RHEBL1: variants seen among roughly 807,000 people sequenced by gnomAD.
RHEBL1 encodes the protein GTPase RhebL1.
RHEBL1 carries 22 observed loss-of-function variants against 27.4 expected under a neutral mutation model. That is an observed-to-expected ratio of 0.80 (90% CI 0.57 to 1.15). The LOEUF is 1.15. RHEBL1 is among the 50% of genes most tolerant of loss of function. RHEBL1 has a pLI of 0.00. For missense variants in RHEBL1, 186 were observed against 226.5 expected (o/e 0.82, Z 1.15); for synonymous variants, 85 against 80.8 (o/e 1.05, Z -0.28).
chr12:49,068,974 T>C (rs1450219376), intron 2 of RHEBL1, 61 bp downstream of exon 2: 2 of 1,516,310 alleles, frequency 1.3e-6, no homozygotes, highest in African/African-American at 1.4e-5. Flanking sequence ...TGGAGTTGGG[T>C]GGGGTATCCA....
rs1298290697 is a variant in RHEBL1 at position 49,065,011 on chromosome 12, A to T, written c.*92T>A. ...CCAGGGGCCAGGAACACAGCTGGCA[A>T]CCATACCCGTGAAGTCCTGAGGATC... On this transcript the variant is annotated 3_prime_UTR_variant, in exon 8 of 8. Coordinates refer to ENST00000301068, the MANE Select transcript of RHEBL1 (RefSeq NM_144593.3). 1.1e-6 allele frequency: 1 copy of T among 912,594 alleles called. No individual in the cohort carries two copies. Among genetic ancestry groups the T allele is most frequent in the Admixed American group, 1.8e-5 (1 of 56,672 alleles). 56.5% of individuals were successfully genotyped at this position (912,594 alleles called of 1,614,324 possible). A position where few individuals can be genotyped will look rare whatever the true frequency, so the allele number is the denominator to read the frequency against.
In RHEBL1 at chr12:49,064,874, G is replaced by C. The variant is rs1592176201; in HGVS notation, c.*229C>G. On this transcript the variant is annotated 3_prime_UTR_variant, in exon 8 of 8. Transcript: ENST00000301068. Reference sequence around the variant, plus strand: ...TAACAGAATTCATCAAACAAAAACAGAGGGCTAGAGGCCAGTGTCCATGAG... The same window carrying C: ...TAACAGAATTCATCAAACAAAAACACAGGGCTAGAGGCCAGTGTCCATGAG... 6 of 550,096 alleles carry C rather than the reference G, an allele frequency of 1.1e-5. No homozygotes were observed. The East Asian group carries it at 1.8e-4, about 17-fold the overall frequency. The allele number at this position is 550,096 out of a possible 1,614,324, so 34.1% of individuals were successfully genotyped here. A position where few individuals can be genotyped will look rare whatever the true frequency, so the allele number is the denominator to read the frequency against.
intron 2 of RHEBL1, among the ~76,000 whole-genome samples, chr12:49,068,550 CT>C (rs1023036600): frequency 4.0e-5 from 6 of 151,600 alleles, no homozygotes; most frequent in African/African-American, 1.5e-4. Flanking sequence ...ATTCTCCTAC[CT>C]CAGTCTCCTT....
Position 49,065,422 on chromosome 12 carries a change from C to A in RHEBL1, c.390G>T (p.Gln130His). Residue 130 changes from glutamine to histidine, a missense_variant, in exon 7 of 8, where the codon CAG (glutamine) becomes CAT (histidine). Physicochemically the swap from Gln to His is conservative, Grantham distance 24. Coordinates refer to ENST00000301068, the MANE Select transcript of RHEBL1 (RefSeq NM_144593.3). ...KADLSPEREV[Q>H]AVEGKKLAES... ...CTGCCAGCTTCTTTCCTTCAACTGC[C>A]TGTACCTCTCTGGAAGCAAATTTGG... The A allele has an allele frequency of 6.2e-7, 1 of 1,614,104 alleles. No individual in the cohort carries two copies.
intron 2 of RHEBL1, 45 bp from the exon 3 acceptor site, chr12:49,067,080 A>G: frequency 8.0e-7 from 1 of 1,243,844 alleles, no homozygotes; most frequent in Non-Finnish European, 1.2e-6. Flanking sequence ...TTATAGGACC[A>G]GCGATGTATG....
rs769246857 is a variant in RHEBL1, at chr12:49,069,014, C to G, written c.124+21G>C. On this transcript the variant is annotated intron_variant, in intron 2 of 7. Coordinates refer to ENST00000301068, the MANE Select transcript of RHEBL1 (RefSeq NM_144593.3). ...CTCCGGGTCGCATACCACCAGCACA[C>G]TAGGGGAGAAGTCTACTCACTATTC... is the stretch of plus-strand genomic sequence containing the variant. 3.0e-5 allele frequency: 48 copies of G among 1,607,342 alleles called. 2 individuals are homozygous for G. In the South Asian group the frequency reaches 5.3e-4, roughly 18 times the overall value.
rs1382770715 is a variant in RHEBL1 at position 49,067,011 on chromosome 12, C to A, written c.149G>T (p.Gly50Val). Residue 50 changes from glycine to valine, a missense_variant, in exon 3 of 8, where the codon GGC (glycine) becomes GTC (valine). By Grantham distance (109) the Gly-to-Val change is moderately radical. Coordinates refer to ENST00000301068, the MANE Select transcript of RHEBL1 (RefSeq NM_144593.3). ...ENTYSKIVTL[G>V]KDEFHLHLVD... The stretch of plus-strand genomic sequence containing the variant: ...CAGATGTAGGTGAAACTCATCTTTG[C>A]CAAGAGTCACTATCTTGCTGTAAGC... 1.9e-6 allele frequency: 3 copies of A among 1,613,930 alleles called. No homozygotes were observed. In the Admixed American group the frequency reaches 5.0e-5, roughly 27 times the overall value.
intron 1 of RHEBL1, 130 bp downstream of exon 1, chr12:49,069,604 T>C (rs1263336517): frequency 4.8e-6 from 4 of 827,542 alleles, no homozygotes; most frequent in African/African-American, 1.7e-5. Flanking sequence ...TCCTCCACTC[T>C]TCCAATCCTC....
rs745511546 is a variant in RHEBL1 at position 49,069,791 on chromosome 12, G to C, written c.-6C>G. On this transcript the variant is annotated 5_prime_UTR_variant, in exon 1 of 8. Coordinates refer to ENST00000301068, the MANE Select transcript of RHEBL1 (RefSeq NM_144593.3). ...CTGTAGCGGACTAGCGGCATGGCAG[G>C]AGCCCGCCCCAGGGGCTTGCGGAAC... The C allele has an allele frequency of 6.2e-7, 1 of 1,613,294 alleles. No homozygotes were observed. The highest frequency in any genetic ancestry group is 2.2e-5 in the East Asian group (1 of 44,808).
chr12:49,066,250 C>T lies in RHEBL1; in HGVS notation c.361G>A (p.Ala121Thr), dbSNP rs762230005. ...ACATACCTCTCTGGAGAGAGATCTG[C>T]CTTGTTCCCCACTAGAACCACTGGC... ...RVPVVLVGNK[A>T]DLSPEREVQA... Residue 121 changes from alanine to threonine, a missense_variant, in exon 6 of 8, where the codon GCA becomes ACA. Physicochemically the swap from Ala to Thr is moderately conservative, Grantham distance 58 (BLOSUM62 0). Around this residue, in one of 3 missense-constraint regions of RHEBL1, gnomAD observed 90 missense variants for 95.2 expected, o/e 0.95. Transcript: ENST00000301068. 2 of 1,613,940 alleles carry T rather than the reference C, an allele frequency of 1.2e-6. No homozygotes were observed. The highest frequency in any genetic ancestry group is 4.5e-5 in the East Asian group (2 of 44,884).
At chr12:49,067,378 C>T (rs1000172834) in intron 2 of RHEBL1, among the ~76,000 whole-genome samples, 6 of 151,818 alleles carry the variant, frequency 4.0e-5, no homozygotes, top group African/African-American at 1.5e-4. Context: ...CTCCTGGGCT[C>T]AAGCAATCCT....
rs375870579 is a variant in RHEBL1, at chr12:49,066,285, G to A, written c.333-7C>T. 1.2e-5 allele frequency: 20 copies of A among 1,613,354 alleles called. No individual in the cohort carries two copies. The highest frequency in any genetic ancestry group is 1.5e-5 in the Non-Finnish European group (18 of 1,179,444). On this transcript the variant is annotated splice_polypyrimidine_tract_variant and splice_region_variant and intron_variant, in intron 5 of 7. Coordinates refer to ENST00000301068, the MANE Select transcript of RHEBL1 (RefSeq NM_144593.3). ...CACTAGAACCACTGGCACCCTGTGAGGAAACAGCAGTTACTTCAGAATCCC... is the reference window on the plus strand; with the variant it reads ...CACTAGAACCACTGGCACCCTGTGAAGAAACAGCAGTTACTTCAGAATCCC...
At chr12:49,069,134 C>A in intron 1 of RHEBL1, 28 bp from the exon 2 acceptor site, 2 of 1,614,084 alleles carry the variant, frequency 1.2e-6, no homozygotes, top group Middle Eastern at 3.3e-4. Flanking sequence ...ACAGTTGTAT[C>A]CAAATCATCC....
In RHEBL1 at chr12:49,066,705, G is replaced by T; in HGVS notation, c.193-4C>A. ...AGGGCAGAATGCTGTACTCATCCTG[G>T]CAAGAAATGGGAAACATCAGTACCT... On this transcript the variant is annotated splice_region_variant and splice_polypyrimidine_tract_variant and intron_variant, in intron 3 of 7. Transcript: ENST00000301068. The T allele has an allele frequency of 6.2e-7, 1 of 1,612,898 alleles. No individual in the cohort carries two copies. Among genetic ancestry groups the T allele is most frequent in the Non-Finnish European group, 8.5e-7 (1 of 1,178,908 alleles).
chr12:49,069,862 G>T lies in RHEBL1; in HGVS notation c.-77C>A. ...AAACGAGGTCAGGGTGTGAGCAGGC[G>T]CGGCAGCTGGTGCAGGAAAGTCGCT... On this transcript the variant is annotated 5_prime_UTR_variant, in exon 1 of 8. Coordinates refer to ENST00000301068, the MANE Select transcript of RHEBL1 (RefSeq NM_144593.3). The T allele has an allele frequency of 7.6e-7, 1 of 1,316,324 alleles. No homozygotes were observed. The highest frequency in any genetic ancestry group is 1.1e-6 in the Non-Finnish European group (1 of 917,772). The allele number at this position is 1,316,324 out of a possible 1,614,324, so 81.5% of individuals were successfully genotyped here. A position where few individuals can be genotyped will look rare whatever the true frequency, so the allele number is the denominator to read the frequency against.
chr12:49,065,922 CT>C (rs1938989561), intron 6 of RHEBL1, among the ~76,000 whole-genome samples: 1 of 137,774 alleles, frequency 7.3e-6, no homozygotes, highest in Non-Finnish European at 1.6e-5. Context: ...AAGACTCCGT[CT>C]AAAAAAAAAA....
chr12:49,065,215 G>A (rs1466231891), intron 7 of RHEBL1, 23 bp from the exon 8 acceptor site: 3 of 1,598,370 alleles, frequency 1.9e-6, no homozygotes, highest in Non-Finnish European at 2.6e-6. Context: ...AGGATTCAGG[G>A]CAAAAGTCAG....
intron 2 of RHEBL1, among the ~76,000 whole-genome samples, chr12:49,068,607 G>C (rs1939036683): frequency 1.4e-5 from 2 of 147,554 alleles, no homozygotes. Flanking sequence ...AGCTAATTTT[G>C]GTATTTTTAG....
chr12:49,066,445 C>T (rs762035223), intron 5 of RHEBL1, 31 bp downstream of exon 5: 1 of 1,609,038 alleles, frequency 6.2e-7, no homozygotes, highest in Non-Finnish European at 8.5e-7. Context: ...CTCATGCCCA[C>T]ACTATGTCCC....
Sources: gnomAD v4.1 joint callset for allele counts (sites outside exome capture counted in the v4.1 genomes callset) on GRCh38, gnomAD v4.1.1 for gene constraint, gnomAD v4.1.1 regional missense constraint, MANE v1.5 for transcripts, NCBI Gene and HGNC (gene_info 2026-07-23, HGNC 2026-07-21) for gene names.